The following CSNK1D variants were observed in gnomAD, a reference collection of about 807,000 sequenced individuals.
CSNK1D encodes the protein casein kinase 1 delta.
A neutral mutation model predicts 46.6 loss-of-function variants in CSNK1D; 16 were observed. The observed-to-expected ratio is 0.34, with a 90% confidence interval of 0.23 to 0.52. CSNK1D has a LOEUF of 0.52. Ranked by LOEUF, CSNK1D falls within the 20% of genes least tolerant of loss-of-function variation. The pLI is 0.95. For missense variants in CSNK1D, 398 were observed against 578.4 expected (o/e 0.69, Z 3.20); for synonymous variants, 276 against 228.2 (o/e 1.21, Z -1.89).
intron 2 of CSNK1D, among the ~76,000 whole-genome samples, chr17:82,262,570 A>G (rs2051367749): frequency 1.3e-5 from 2 of 152,196 alleles, no homozygotes; most frequent in South Asian, 4.1e-4. Context: ...GAAAACCGCA[A>G]TGAGTGGTGC....
At chr17:82,261,863 A>G (rs1423928869) in intron 2 of CSNK1D, among the ~76,000 whole-genome samples, 4 of 152,070 alleles carry the variant, frequency 2.6e-5, no homozygotes, top group South Asian at 2.1e-4. Flanking sequence ...ACCGTCACCC[A>G]CTGGCCCGGG....
At position 82,250,479 on chromosome 17, in the gene CSNK1D, A is replaced by G. The variant is rs966951483; in HGVS notation, c.886-877T>C. 7.1e-5 allele frequency: 23 copies of G among 323,372 alleles called. No individual in the cohort carries two copies. The highest frequency in any genetic ancestry group is 6.2e-4 in the Admixed American group (15 of 24,068). 20.0% of individuals were successfully genotyped at this position (323,372 alleles called of 1,614,324 possible). ...CCTCCCGAGGCAGCACAGCCCCGGC[A>G]GAGGGACTGATCTGCCCTGCCGAGT... On this transcript the variant is annotated intron_variant, in intron 6 of 8. Transcript: ENST00000314028. The surrounding 1 kb of genome is among the most constrained non-coding windows in gnomAD (Gnocchi z 4.6).
At chr17:82,269,222 ATTGTC>A (rs1349495987) in intron 1 of CSNK1D, among the ~76,000 whole-genome samples, 5 of 151,888 alleles carry the variant, frequency 3.3e-5, no homozygotes, top group African/African-American at 1.2e-4. Context: ...CCCATTAAGG[ATTGTC>A]TTGTCAACAA....
intron 8 of CSNK1D, chr17:82,246,016 G>A (rs372884364): frequency 2.6e-5 from 42 of 1,610,204 alleles, no homozygotes; most frequent in African/African-American, 1.3e-4. Context: ...GCTACTTGCC[G>A]TGGTGTTCGA....
At chr17:82,242,522 T>TCTC (rs5822476), downstream of CSNK1D, 531,519 of 531,530 alleles carry the variant, frequency 1, 265,754 homozygotes, top group Middle Eastern at 1. Context: ...AGGGGGCAGC[T>TCTC]CTCCTGCTCT....
intron 8 of CSNK1D, chr17:82,246,426 G>A (rs990506967): frequency 1.7e-6 from 2 of 1,193,286 alleles, no homozygotes; most frequent in Admixed American, 3.7e-5. Flanking sequence ...CAGGGCTCAG[G>A]CCTAGTCCTG....
chr17:82,262,397 G>A (rs1426508640), intron 2 of CSNK1D, among the ~76,000 whole-genome samples: 1 of 152,222 alleles, frequency 6.6e-6, no homozygotes, highest in African/African-American at 2.4e-5. Context: ...ACTGCCCAGG[G>A]CTGCTATGGG....
In CSNK1D at chr17:82,273,450, C is replaced by T. The variant is rs2051694073; in HGVS notation, c.-69G>A. 5 of 1,571,218 alleles carry T rather than the reference C, an allele frequency of 3.2e-6. No individual in the cohort carries two copies. Among genetic ancestry groups the T allele is most frequent in the Middle Eastern group, 1.9e-4 (1 of 5,220 alleles). The stretch of plus-strand genomic sequence containing the variant: ...TGGGTCTGAACTCTGGGAGGCGGCG[C>T]CGCTGCTGCCGCTACTGCGGGTCCG... On this transcript the variant is annotated 5_prime_UTR_variant, in exon 1 of 9. Coordinates refer to ENST00000314028, the MANE Select transcript of CSNK1D (RefSeq NM_001893.6). This position sits in a 1 kb window ranked among gnomAD's most constrained non-coding sequence, Gnocchi z 5.1.
chr17:82,244,678 A>G lies in CSNK1D; in HGVS notation c.*103T>C. On this transcript the variant is annotated 3_prime_UTR_variant, in exon 9 of 9. Transcript: ENST00000314028. Reference sequence around the variant, plus strand: ...AGTGGCCTGGAGAGCTCCCGGTGTTAACATTTCGATCCTAGACCGGGGGAC... The same window carrying G: ...AGTGGCCTGGAGAGCTCCCGGTGTTGACATTTCGATCCTAGACCGGGGGAC... 1 of 1,592,802 alleles carries G rather than the reference A, an allele frequency of 6.3e-7. No individual in the cohort carries two copies. Among genetic ancestry groups the G allele is most frequent in the Non-Finnish European group, 8.5e-7 (1 of 1,173,304 alleles).
At chr17:82,239,609 G>A (rs929372853), downstream of CSNK1D, 4 of 230,352 alleles carry the variant, frequency 1.7e-5, no homozygotes, top group Admixed American at 5.7e-5. Flanking sequence ...CATAGCATTC[G>A]TAGCAGGGGC....
downstream of CSNK1D, chr17:82,240,223 C>T: frequency 2.2e-6 from 1 of 447,696 alleles, no homozygotes; most frequent in East Asian, 3.6e-5. Flanking sequence ...GCGGGCAGTG[C>T]CAGCAGTTGC....
At chr17:82,246,691 G>C (rs2050858846) in intron 8 of CSNK1D, 1 of 994,752 alleles carries the variant, frequency 1.0e-6, no homozygotes, top group Non-Finnish European at 1.2e-6. Flanking sequence ...GCTGCCACGT[G>C]GTCTTCCACC....
At position 82,251,206 on chromosome 17, in the gene CSNK1D, T is replaced by G; in HGVS notation, c.885+173A>C. The G allele has an allele frequency of 1.4e-6, 1 of 722,540 alleles. No homozygotes were observed. Among genetic ancestry groups the G allele is most frequent in the Non-Finnish European group, 2.3e-6 (1 of 430,150 alleles). The allele number at this position is 722,540 out of a possible 1,614,324, so 44.8% of individuals were successfully genotyped here. On this transcript the variant is annotated intron_variant, in intron 6 of 8. Transcript: ENST00000314028. The surrounding 1 kb of genome is among the most constrained non-coding windows in gnomAD (Gnocchi z 4.5). Reference sequence around the variant, plus strand: ...GGCGTCTTACTTCTTGGCACCCCTTTCTGGCAGGCAGACACCCACTCAGTC... The same window carrying G: ...GGCGTCTTACTTCTTGGCACCCCTTGCTGGCAGGCAGACACCCACTCAGTC...
At position 82,270,668 on chromosome 17, in the gene CSNK1D, C is replaced by T. The variant is rs373569973; in HGVS notation, c.76+2638G>A. The stretch of plus-strand genomic sequence containing the variant: ...ACGCTTCTTTCAAACTGCCTTACTC[C>T]GGCTAACGTGACCACCTCGCCTTTC... On this transcript the variant is annotated intron_variant, in intron 1 of 8. Coordinates refer to ENST00000314028, the MANE Select transcript of CSNK1D (RefSeq NM_001893.6). Among the ~76,000 whole-genome samples, 10 of 152,272 alleles carry T rather than the reference C, an allele frequency of 6.6e-5. No homozygotes were observed. The East Asian group carries it at 7.7e-4, about 12-fold the overall frequency.
chr17:82,272,766 G>A lies in CSNK1D; in HGVS notation c.76+540C>T, dbSNP rs1322067874. Among the ~76,000 whole-genome samples the A allele has an allele frequency of 2.6e-5, 4 of 152,192 alleles. No homozygotes were observed. In the East Asian group the frequency reaches 5.8e-4, roughly 22 times the overall value. On this transcript the variant is annotated intron_variant, in intron 1 of 8. Transcript: ENST00000314028. ...GCAAGACACCGGGGCAGCCTCTGAG[G>A]GGGCAGCCAGACAGCCCCGGACCGG... is the stretch of plus-strand genomic sequence containing the variant.
chr17:82,250,292 C>A lies in CSNK1D; in HGVS notation c.886-690G>T. Reference sequence around the variant, plus strand: ...TCCTGCAAGTACAGCTCATTGGACACAGCCACGTTCACCAGGCAACACACA... The same window carrying A: ...TCCTGCAAGTACAGCTCATTGGACAAAGCCACGTTCACCAGGCAACACACA... On this transcript the variant is annotated intron_variant, in intron 6 of 8. Coordinates refer to ENST00000314028, the MANE Select transcript of CSNK1D (RefSeq NM_001893.6). The surrounding 1 kb of genome is among the most constrained non-coding windows in gnomAD (Gnocchi z 4.6). The A allele has an allele frequency of 1.0e-6, 1 of 993,076 alleles. No homozygotes were observed. The highest frequency in any genetic ancestry group is 1.4e-5 in the South Asian group (1 of 73,458). 61.5% of individuals were successfully genotyped at this position (993,076 alleles called of 1,614,324 possible).
At chr17:82,264,734 C>T (rs1264161021) in intron 2 of CSNK1D, among the ~76,000 whole-genome samples, 2 of 152,090 alleles carry the variant, frequency 1.3e-5, no homozygotes, top group Non-Finnish European at 2.9e-5. Flanking sequence ...CTGGCAACAG[C>T]TCCAGTGACC....
At chr17:82,247,723 A>G in intron 8 of CSNK1D, 1 of 985,396 alleles carries the variant, frequency 1.0e-6, no homozygotes, top group Non-Finnish European at 1.2e-6. Flanking sequence ...GGTTGTGTGC[A>G]CGTAAGGGAC....
In CSNK1D at chr17:82,273,528, G is replaced by T. The variant is rs556542463; in HGVS notation, c.-147C>A. On this transcript the variant is annotated 5_prime_UTR_variant, in exon 1 of 9. Coordinates refer to ENST00000314028, the MANE Select transcript of CSNK1D (RefSeq NM_001893.6). This position sits in a 1 kb window ranked among gnomAD's most constrained non-coding sequence, Gnocchi z 5.1. Reference sequence around the variant, plus strand: ...CCGCTTTCACCATCGCTTTCCTGTCGCCCCGCCGCTCCCAGCGCCTCAATA... The same window carrying T: ...CCGCTTTCACCATCGCTTTCCTGTCTCCCCGCCGCTCCCAGCGCCTCAATA... 233 of 969,726 alleles carry T rather than the reference G, an allele frequency of 2.4e-4. 2 individuals carry two copies. The South Asian group carries it at 3.5e-3, about 14-fold the overall frequency. 60.1% of individuals were successfully genotyped at this position (969,726 alleles called of 1,614,324 possible). A position where few individuals can be genotyped will look rare whatever the true frequency, so the allele number is the denominator to read the frequency against.
Sources: allele counts gnomAD v4.1 joint callset (sites outside exome capture counted in the v4.1 genomes callset), GRCh38; gene constraint gnomAD v4.1.1; non-coding constraint Gnocchi (gnomAD v3.1); transcripts MANE v1.5; gene names NCBI Gene and HGNC (gene_info 2026-07-23, HGNC 2026-07-21).